The following PTPRD variants were observed in gnomAD, a reference collection of about 807,000 sequenced individuals.
The protein encoded by PTPRD is receptor-type tyrosine-protein phosphatase delta.
PTPRD carries 34 observed loss-of-function variants against 214.5 expected under a neutral mutation model. That is an observed-to-expected ratio of 0.16 (90% CI 0.12 to 0.21). The LOEUF (loss-of-function observed/expected upper bound fraction) is 0.21. Ranked by LOEUF, PTPRD falls within the 10% of genes least tolerant of loss-of-function variation. The pLI is 1.00. For synonymous variants in PTPRD, 1,128 were observed against 845.7 expected (o/e 1.33, Z -5.79); for missense variants, 2,545 against 2,398.7 (o/e 1.06, Z -1.27).
At chr9:10,277,439 T>C (rs569498041) in intron 3 of PTPRD, among the ~76,000 whole-genome samples, 1 of 152,340 alleles carries the variant, frequency 6.6e-6, no homozygotes, top group African/African-American at 2.4e-5. Context: ...ACTAGTTTAG[T>C]TGTGTAACTT....
intron 8 of PTPRD, among the ~76,000 whole-genome samples, chr9:9,498,842 GTTC>G (rs2096293199): frequency 1.3e-5 from 2 of 152,060 alleles, no homozygotes; most frequent in African/African-American, 4.8e-5. Flanking sequence ...ACATATCTGT[GTTC>G]TTAATTCAAA....
intron 5 of PTPRD, among the ~76,000 whole-genome samples, chr9:9,770,868 G>A (rs1261455487): frequency 1.3e-5 from 2 of 152,050 alleles, no homozygotes; most frequent in Non-Finnish European, 2.9e-5. Flanking sequence ...TTTTGTTTTT[G>A]TTGCTGTTAT....
At chr9:10,115,168 C>A (rs942998836) in intron 3 of PTPRD, among the ~76,000 whole-genome samples, 5 of 151,870 alleles carry the variant, frequency 3.3e-5, no homozygotes, top group African/African-American at 1.2e-4. Context: ...CACTATATTC[C>A]TTTGGGTGTA....
At chr9:9,079,465 T>C (rs2099755944) in intron 10 of PTPRD, among the ~76,000 whole-genome samples, 1 of 152,140 alleles carries the variant, frequency 6.6e-6, no homozygotes, top group South Asian at 2.1e-4. Context: ...CTGCAGTAGA[T>C]GTGAGATGCA....
chr9:9,801,596 T>C (rs956295579), intron 5 of PTPRD, among the ~76,000 whole-genome samples: 1 of 152,120 alleles, frequency 6.6e-6, no homozygotes, highest in Non-Finnish European at 1.5e-5. Context: ...AAAACTTTTG[T>C]TGGACTAAGA....
intron 2 of PTPRD, among the ~76,000 whole-genome samples, chr9:10,579,679 A>G (rs901923882): frequency 1.1e-4 from 16 of 152,108 alleles, no homozygotes; most frequent in African/African-American, 3.9e-4. Context: ...TCTGTGAGAA[A>G]TCTCCAAACT....
chr9:10,139,756 C>A (rs1460846684), intron 3 of PTPRD, among the ~76,000 whole-genome samples: 1 of 152,002 alleles, frequency 6.6e-6, no homozygotes, highest in Non-Finnish European at 1.5e-5. Context: ...ACCATCTGAT[C>A]TTCAGGAAAG....
chr9:10,133,003 C>T (rs1377725649), intron 3 of PTPRD, among the ~76,000 whole-genome samples: 1 of 152,090 alleles, frequency 6.6e-6, no homozygotes, highest in Non-Finnish European at 1.5e-5. Context: ...TTCATGCCCT[C>T]TCGTTACTTG....
intron 2 of PTPRD, among the ~76,000 whole-genome samples, chr9:10,571,777 T>C (rs976348012): frequency 6.6e-6 from 1 of 152,054 alleles, no homozygotes; most frequent in African/African-American, 2.4e-5. Context: ...GGCACTAGAT[T>C]CTCATAAGGA....
At chr9:8,812,149 G>T (rs142287109) in intron 11 of PTPRD, among the ~76,000 whole-genome samples, 2 of 152,252 alleles carry the variant, frequency 1.3e-5, no homozygotes, top group African/African-American at 4.8e-5. Flanking sequence ...GCTAAATGTA[G>T]AATGGCAAGA....
intron 5 of PTPRD, among the ~76,000 whole-genome samples, chr9:9,936,149 A>C (rs2089286484): frequency 6.8e-6 from 1 of 147,950 alleles, no homozygotes; most frequent in South Asian, 2.1e-4. Flanking sequence ...AGGCATTACC[A>C]TTCAGGACAT....
chr9:9,388,173 C>A (rs2064549829), intron 9 of PTPRD, among the ~76,000 whole-genome samples: 1 of 152,160 alleles, frequency 6.6e-6, no homozygotes, highest in Non-Finnish European at 1.5e-5. Context: ...CTTCCATTGA[C>A]ATGTTCCTCT....
chr9:10,254,668 C>T (rs1281920226), intron 3 of PTPRD, among the ~76,000 whole-genome samples: 3 of 151,996 alleles, frequency 2.0e-5, no homozygotes, highest in East Asian at 3.9e-4. Context: ...GAAGGGGATC[C>T]TTTTGACTGC....
At chr9:10,356,378 G>T (rs1017329210) in intron 2 of PTPRD, among the ~76,000 whole-genome samples, 1 of 152,050 alleles carries the variant, frequency 6.6e-6, no homozygotes, top group Non-Finnish European at 1.5e-5. Flanking sequence ...TCTCAAATTG[G>T]TTTGTTCTAT....
intron 4 of PTPRD, among the ~76,000 whole-genome samples, chr9:10,007,072 G>A (rs1482182119): frequency 6.6e-6 from 1 of 151,932 alleles, no homozygotes; most frequent in East Asian, 1.9e-4. Context: ...CTCTAAGGCA[G>A]AAGTGTTTGT....
At chr9:9,000,016 CTG>C (rs2099411674) in intron 11 of PTPRD, among the ~76,000 whole-genome samples, 1 of 151,958 alleles carries the variant, frequency 6.6e-6, no homozygotes, top group Non-Finnish European at 1.5e-5. Flanking sequence ...TGCCAGAGTC[CTG>C]GTGGCAAATT....
chr9:9,664,668 T>C (rs2096682169), intron 7 of PTPRD, among the ~76,000 whole-genome samples: 1 of 151,736 alleles, frequency 6.6e-6, no homozygotes, highest in Admixed American at 6.6e-5. Flanking sequence ...ATTGTATCCT[T>C]AATGCATGGA....
In PTPRD at chr9:9,907,555, G is replaced by T. The variant is rs536667133; in HGVS notation, c.-368+30952C>A. 7.2e-5 allele frequency among the ~76,000 whole-genome samples: 11 copies of T among 152,018 alleles called. No individual in the cohort carries two copies. The East Asian group carries it at 9.7e-4, about 13-fold the overall frequency. Reference sequence around the variant, plus strand: ...TATTCTTCTTCTTCTAAGGATATCAGTCATGTAGGATCAGAGTCCTATTCT... The same window carrying T: ...TATTCTTCTTCTTCTAAGGATATCATTCATGTAGGATCAGAGTCCTATTCT... On this transcript the variant is annotated intron_variant, in intron 5 of 45. Transcript: ENST00000381196.
At position 8,532,450 on chromosome 9, in the gene PTPRD, T is replaced by C. The variant is rs117491515; in HGVS notation, c.353-3671A>G. Among the ~76,000 whole-genome samples, 104 of 152,144 alleles carry C rather than the reference T, an allele frequency of 6.8e-4. 1 individual carries two copies. In the East Asian group the frequency reaches 0.019, roughly 28 times the overall value. On this transcript the variant is annotated intron_variant, in intron 14 of 45. Transcript: ENST00000381196. The stretch of plus-strand genomic sequence containing the variant: ...CCTCAAATGTGTGGTACCAGGAACT[T>C]GGGAATCAAATCAATATCCTTAATA...
Sources: allele counts gnomAD v4.1 joint callset (sites outside exome capture counted in the v4.1 genomes callset), GRCh38; gene constraint gnomAD v4.1.1; transcripts MANE v1.5; gene names NCBI Gene and HGNC (gene_info 2026-07-23, HGNC 2026-07-21).